POLR1A: variants seen among roughly 807,000 people sequenced by gnomAD.
The protein encoded by POLR1A is DNA-directed RNA polymerase I subunit RPA1.
Under a neutral mutation model 205.3 loss-of-function variants are expected in POLR1A, and 84 were observed. The ratio of observed to expected loss-of-function variants is 0.41; its 90% CI spans 0.34 to 0.49. The LOEUF is 0.49. Ranked by LOEUF, POLR1A falls within the 20% of genes least tolerant of loss-of-function variation. The probability of loss-of-function intolerance (pLI) is 0.22; values close to 1 mark genes in which losing one functional copy is unlikely to be tolerated. For synonymous variants in POLR1A, 799 were observed against 863.7 expected, an observed-to-expected ratio of 0.93 and a Z score of 1.31; for missense variants, 1,645 against 2,204.5, an observed-to-expected ratio of 0.75 and a Z score of 5.08.
At chr2:86,076,613 C>T (rs1415209674) in intron 11 of POLR1A, among the ~76,000 whole-genome samples, 1 of 152,228 alleles carries the variant, frequency 6.6e-6, no homozygotes. Context: ...GCCACCATGG[C>T]CCTGAGACTT....
At chr2:86,049,293 C>T (rs1672759568) in intron 16 of POLR1A, 51 bp from the exon 17 acceptor site, 2 of 1,333,108 alleles carry the variant, frequency 1.5e-6, no homozygotes, top group African/African-American at 1.4e-5. Context: ...CTGATTTCTC[C>T]CACCAGACTA....
chr2:86,088,503 C>A, intron 6 of POLR1A, 63 bp downstream of exon 6: 1 of 1,032,666 alleles, frequency 9.7e-7, no homozygotes, highest in Non-Finnish European at 1.5e-6. Flanking sequence ...CCAGGTATTC[C>A]CAGGGTTTAG....
At chr2:86,096,653 G>C (rs1673708788) in intron 3 of POLR1A, among the ~76,000 whole-genome samples, 1 of 152,244 alleles carries the variant, frequency 6.6e-6, no homozygotes, top group African/African-American at 2.4e-5. Flanking sequence ...TGCAAAAGGT[G>C]CCAAGAACAT....
intron 13 of POLR1A, among the ~76,000 whole-genome samples, chr2:86,067,410 A>G (rs1673100311): frequency 6.6e-6 from 1 of 152,206 alleles, no homozygotes; most frequent in Non-Finnish European, 1.5e-5. Context: ...CTTTCCACAA[A>G]GTATGGGCCC....
At position 86,091,984 on chromosome 2, in the gene POLR1A, G is replaced by A. The variant is rs559786657; in HGVS notation, c.433-2055C>T. 8.5e-5 allele frequency among the ~76,000 whole-genome samples: 13 copies of A among 152,120 alleles called. 1 individual carries two copies. The highest frequency in any genetic ancestry group is 3.9e-4 in the East Asian group (2 of 5,170). ...CAAAAAATTAGCTGGGCATGGTGGCGTTTGCCTGTAGTCCCAGCTACTCAA... is the reference window on the plus strand; with the variant it reads ...CAAAAAATTAGCTGGGCATGGTGGCATTTGCCTGTAGTCCCAGCTACTCAA... On this transcript the variant is annotated intron_variant, in intron 3 of 33. Transcript: ENST00000263857.
At chr2:86,031,984 C>T (rs1672406279) in intron 29 of POLR1A, among the ~76,000 whole-genome samples, 1 of 152,156 alleles carries the variant, frequency 6.6e-6, no homozygotes, top group South Asian at 2.1e-4. Flanking sequence ...AAACCAGAGG[C>T]AGCCTGACTT....
At chr2:86,035,367 TTTCTGTA>T (rs1672476494) in intron 27 of POLR1A, among the ~76,000 whole-genome samples, 1 of 152,120 alleles carries the variant, frequency 6.6e-6, no homozygotes, top group Non-Finnish European at 1.5e-5. Context: ...GGGAGAGATG[TTTCTGTA>T]AGGACAGGTT....
At position 86,042,986 on chromosome 2, in the gene POLR1A, A is replaced by G. The variant is rs1169436595; in HGVS notation, c.3345T>C (p.Pro1115=). Residue 1115 remains proline, a synonymous_variant, in exon 23 of 34, where the codon CCT becomes CCC. Coordinates refer to ENST00000263857, the MANE Select transcript of POLR1A (RefSeq NM_015425.6). ...CTCCCTGCATCACCTCCTGAGTCCC[A>G]GGGCTGCGGCCATTGCGGTTTTCAC... ...LESENRNGRS[P]GTQEMLRMWY... is the part of the protein sequence containing the mutation. 6.8e-6 allele frequency: 11 copies of G among 1,613,424 alleles called. No homozygotes were observed. The highest frequency in any genetic ancestry group is 1.7e-4 in the Middle Eastern group (1 of 5,988).
In POLR1A at chr2:86,027,309, G is replaced by C; in HGVS notation, c.*114C>G. 3.5e-6 allele frequency: 3 copies of C among 859,186 alleles called. No homozygotes were observed. The highest frequency in any genetic ancestry group is 2.7e-5 in the South Asian group (2 of 74,478). The allele number at this position is 859,186 out of a possible 1,614,324, so 53.2% of individuals were successfully genotyped here. A position where few individuals can be genotyped will look rare whatever the true frequency, so the allele number is the denominator to read the frequency against. ...CAAGGTCGCTGCTGTGCTCTGTACT[G>C]TCACTTGGAACTGCCCTGGATTCCA... On this transcript the variant is annotated 3_prime_UTR_variant, in exon 34 of 34. Transcript: ENST00000263857.
intron 25 of POLR1A, 21 bp from the exon 26 acceptor site, chr2:86,039,483 A>G: frequency 6.2e-7 from 1 of 1,614,058 alleles, no homozygotes; most frequent in Non-Finnish European, 8.5e-7. Flanking sequence ...ATAAGGGCAC[A>G]TCCAATCATG....
chr2:86,086,066 T>C (rs1429174904), intron 6 of POLR1A, among the ~76,000 whole-genome samples: 2 of 152,040 alleles, frequency 1.3e-5, no homozygotes, highest in African/African-American at 2.4e-5. Flanking sequence ...TCACTTTTTT[T>C]TTTTTCTTTG....
chr2:86,045,828 T>TTAAA, intron 19 of POLR1A, 59 bp from the exon 20 acceptor site: 1 of 1,471,358 alleles, frequency 6.8e-7, no homozygotes, highest in Non-Finnish European at 9.3e-7. Flanking sequence ...AACAGTGCTT[T>TTAAA]GTCCCAGCAG....
chr2:86,083,453 T>C (rs1335220692), intron 6 of POLR1A, among the ~76,000 whole-genome samples: 2 of 152,110 alleles, frequency 1.3e-5, no homozygotes, highest in Non-Finnish European at 2.9e-5. Flanking sequence ...CTTTTATATA[T>C]TGTTTTCCAG....
At position 86,048,906 on chromosome 2, in the gene POLR1A, T is replaced by C. The variant is rs1433161241; in HGVS notation, c.2612A>G (p.His871Arg). ...IDLKFKEEVN[H>R]YSNEINKACM... is the part of the protein sequence containing the mutation. ...AACCTTGTTAATCTCATTGCTGTAA[T>C]GGTTCACTTCCTCCTTGAACTTCAG... Residue 871 changes from histidine (H) to arginine (R), a missense_variant, in exon 18 of 34, where the codon CAT becomes CGT. His to Arg is a conservative substitution (Grantham distance 29, BLOSUM62 0). Around this residue, in one of 16 missense-constraint regions of POLR1A, gnomAD observed 339 missense variants for 415.1 expected, o/e 0.82. Coordinates refer to ENST00000263857, the MANE Select transcript of POLR1A (RefSeq NM_015425.6). The C allele has an allele frequency of 3.1e-6, 5 of 1,614,152 alleles. No homozygotes were observed. In the South Asian group the frequency reaches 4.4e-5, roughly 14 times the overall value.
chr2:86,037,563 C>G (rs762370592), intron 27 of POLR1A, among the ~76,000 whole-genome samples: 7 of 152,252 alleles, frequency 4.6e-5, no homozygotes, highest in Non-Finnish European at 8.8e-5. Flanking sequence ...TGGCTGAGTG[C>G]AGGGAGCTTT....
chr2:86,054,843 C>T (rs1464720703), intron 14 of POLR1A, among the ~76,000 whole-genome samples: 1 of 152,194 alleles, frequency 6.6e-6, no homozygotes, highest in Non-Finnish European at 1.5e-5. Flanking sequence ...TGGAGATAAC[C>T]AGAGTTGGCT....
chr2:86,043,160 T>A lies in POLR1A; in HGVS notation c.3171A>T (p.Leu1057Phe). ...GAGCTTTTTTGGGATCTGCTCTGGA[T>A]AAAACTTCATGGAGATGCTGTGATT... ...IMKSQHLHEV[L>F]SRADPKKALH... The change falls in exon 23 of 34, where the codon TTA becomes TTT. Residue 1057 changes from leucine (L) to phenylalanine (F), a missense_variant. Coordinates refer to ENST00000263857, the MANE Select transcript of POLR1A (RefSeq NM_015425.6). 2 of 1,613,910 alleles carry A rather than the reference T, an allele frequency of 1.2e-6. No homozygotes were observed. The highest frequency in any genetic ancestry group is 1.7e-6 in the Non-Finnish European group (2 of 1,179,934).
At chr2:86,048,304 A>G (rs997556006) in intron 18 of POLR1A, among the ~76,000 whole-genome samples, 3 of 152,236 alleles carry the variant, frequency 2.0e-5, no homozygotes, top group African/African-American at 7.2e-5. Flanking sequence ...GTTTCAGCTC[A>G]TGCAGAGATT....
rs1279981270 is a variant in POLR1A, at chr2:86,100,128, C to G, written c.122G>C (p.Ser41Thr). The G allele has an allele frequency of 6.2e-7, 1 of 1,614,162 alleles. No homozygotes were observed. The highest frequency in any genetic ancestry group is 1.7e-5 in the Admixed American group (1 of 60,026). ...KSITNPRYLD[S>T]LGNPSANGLY... ...GCCGTTTGCCGATGGGTTCCCCAGG[C>G]TGTCCAGGTATCGAGGGTTCGTAAT... Residue 41 changes from serine (S) to threonine (T), a missense_variant, in exon 2 of 34, where the codon AGC becomes ACC. Around this residue, in one of 16 missense-constraint regions of POLR1A, gnomAD observed 330 missense variants for 375.6 expected, o/e 0.88. Transcript: ENST00000263857.
Sources: gnomAD v4.1 joint callset for allele counts (sites outside exome capture counted in the v4.1 genomes callset) on GRCh38, gnomAD v4.1.1 for gene constraint, gnomAD v4.1.1 regional missense constraint, MANE v1.5 for transcripts, NCBI Gene and HGNC (gene_info 2026-07-23, HGNC 2026-07-21) for gene names.